ABLIM1: variants seen among roughly 807,000 people sequenced by gnomAD.
ABLIM1 encodes the protein actin binding LIM protein 1, also known as actin-binding LIM protein 1.
In ABLIM1, 40 loss-of-function variants were observed where a neutral mutation model predicts 107.0. That is an observed-to-expected ratio of 0.37 (90% CI 0.29 to 0.49). The LOEUF (loss-of-function observed/expected upper bound fraction) is 0.49. ABLIM1 is among the 20% of genes least tolerant of loss of function. The pLI is 0.97. For missense variants in ABLIM1, 857 were observed against 1,008.5 expected, an observed-to-expected ratio of 0.85 and a Z score of 2.04; for synonymous variants, 357 against 357.3, an observed-to-expected ratio of 1.00 and a Z score of 0.01.
chr10:114,659,813 A>C (rs1314917302), upstream of ABLIM1, among the ~76,000 whole-genome samples: 1 of 152,168 alleles, frequency 6.6e-6, no homozygotes, highest in Non-Finnish European at 1.5e-5. Context: ...CTTTCTCAGG[A>C]CAATGCAGAG....
At chr10:114,617,387 G>A (rs945098935) in intron 1 of ABLIM1, among the ~76,000 whole-genome samples, 9 of 150,298 alleles carry the variant, frequency 6.0e-5, no homozygotes, top group South Asian at 2.1e-4. Context: ...TCAGCCTCCC[G>A]AGTAGCTGGG....
chr10:114,599,659 T>G (rs2075792866), intron 2 of ABLIM1, among the ~76,000 whole-genome samples: 1 of 151,600 alleles, frequency 6.6e-6, no homozygotes, highest in African/African-American at 2.4e-5. Context: ...CGGTGGCAGG[T>G]ACCTGTAATC....
At chr10:114,487,354 A>G (rs909431756) in intron 8 of ABLIM1, among the ~76,000 whole-genome samples, 4 of 152,220 alleles carry the variant, frequency 2.6e-5, no homozygotes, top group African/African-American at 9.7e-5. Context: ...AGGGCATCTG[A>G]ACAGGACAGA....
intron 1 of ABLIM1, among the ~76,000 whole-genome samples, chr10:114,618,761 C>T (rs1327200242): frequency 3.3e-5 from 5 of 152,226 alleles, no homozygotes; most frequent in African/African-American, 1.2e-4. Context: ...CCTGAAAGTA[C>T]TGTGTTGACT....
intron 6 of ABLIM1, among the ~76,000 whole-genome samples, chr10:114,504,606 T>C (rs1739746899): frequency 6.6e-6 from 1 of 152,142 alleles, no homozygotes; most frequent in Non-Finnish European, 1.5e-5. Context: ...AGGAAAACGA[T>C]TCTGGTCCCT....
At chr10:114,780,754 T>C in the ABLIM1 span, among the ~76,000 whole-genome samples, 2 of 152,206 alleles carry the variant, frequency 1.3e-5, no homozygotes, top group South Asian at 2.1e-4. Flanking sequence ...TTACTTCTCT[T>C]AGGTTGTTCT....
At chr10:114,727,963 C>T (rs1056532051) in intron 1 of ABLIM1, among the ~76,000 whole-genome samples, 1 of 152,018 alleles carries the variant, frequency 6.6e-6, no homozygotes, top group Non-Finnish European at 1.5e-5. Flanking sequence ...AAAACAGCCA[C>T]CATAAAAACA....
intron 6 of ABLIM1, among the ~76,000 whole-genome samples, chr10:114,500,868 A>C (rs10510006): frequency 0.14 from 20,600 of 150,562 alleles, 1,682 homozygotes; most frequent in African/African-American, 0.23. Flanking sequence ...GGTGCCAATC[A>C]AAGCAGGTGA....
At chr10:114,545,696 G>A (rs1239340020) in intron 5 of ABLIM1, among the ~76,000 whole-genome samples, 7 of 152,126 alleles carry the variant, frequency 4.6e-5, no homozygotes, top group East Asian at 3.9e-4. Context: ...AGGCTGAGGT[G>A]GGTGGATCAA....
At chr10:114,703,407 G>A (rs573207998) in intron 1 of ABLIM1, among the ~76,000 whole-genome samples, 18 of 152,352 alleles carry the variant, frequency 1.2e-4, no homozygotes, top group African/African-American at 4.3e-4. Context: ...TTGTCTGTGT[G>A]TGTGCCTTCC....
intron 1 of ABLIM1, among the ~76,000 whole-genome samples, chr10:114,695,565 C>T (rs1000938314): frequency 6.6e-6 from 1 of 152,142 alleles, no homozygotes; most frequent in African/African-American, 2.4e-5. Flanking sequence ...CAATAATTAT[C>T]CCCCTTTTCA....
At chr10:114,651,170 G>A (rs1161874528) in intron 1 of ABLIM1, among the ~76,000 whole-genome samples, 1 of 152,178 alleles carries the variant, frequency 6.6e-6, no homozygotes, top group Non-Finnish European at 1.5e-5. Context: ...TTCGAACATA[G>A]TGATTTGATT....
chr10:114,687,276 C>A (rs924956289), upstream of ABLIM1, among the ~76,000 whole-genome samples: 2 of 152,162 alleles, frequency 1.3e-5, no homozygotes, highest in African/African-American at 2.4e-5. Context: ...CAACCCAGTA[C>A]AACTATGAAC....
rs1057144 is a variant in ABLIM1, at chr10:114,435,396, T to G, written c.*864A>C. On this transcript the variant is annotated 3_prime_UTR_variant, in exon 23 of 23. Transcript: ENST00000533213. ...TTGGCCATGAATGATATGGCCCCTATGCAAAATCACCTAATGGCATGCCAC... is the reference window on the plus strand; with the variant it reads ...TTGGCCATGAATGATATGGCCCCTAGGCAAAATCACCTAATGGCATGCCAC... 1.3e-5 allele frequency: 2 copies of G among 151,734 alleles called. No homozygotes were observed. Among genetic ancestry groups the G allele is most frequent in the East Asian group, 1.9e-4 (1 of 5,146 alleles). 9.4% of individuals were successfully genotyped at this position (151,734 alleles called of 1,614,324 possible). A position where few individuals can be genotyped will look rare whatever the true frequency, so the allele number is the denominator to read the frequency against.
intron 1 of ABLIM1, chr10:114,613,590 T>C: frequency 1.0e-6 from 1 of 1,003,232 alleles, no homozygotes; most frequent in Non-Finnish European, 1.4e-6. Context: ...GAAACAAGAA[T>C]GTGAACCCTT....
At chr10:114,556,509 T>C (rs2068748842) in intron 4 of ABLIM1, among the ~76,000 whole-genome samples, 1 of 152,200 alleles carries the variant, frequency 6.6e-6, no homozygotes, top group South Asian at 2.1e-4. Context: ...GTTACTAGCC[T>C]GGCCTTCCTA....
chr10:114,746,801 T>C (rs1191367848), intron 1 of ABLIM1, among the ~76,000 whole-genome samples: 3 of 152,232 alleles, frequency 2.0e-5, no homozygotes, highest in Non-Finnish European at 4.4e-5. Context: ...ATCTCCCTAA[T>C]GAGTAGTGAT....
the ABLIM1 span, among the ~76,000 whole-genome samples, chr10:114,801,073 C>T: frequency 2.8e-3 from 433 of 152,200 alleles, 1 homozygote; most frequent in African/African-American, 1.0e-2. Flanking sequence ...ATATACATTA[C>T]ATACTGCATT....
intron 1 of ABLIM1, among the ~76,000 whole-genome samples, chr10:114,624,504 G>C (rs1163559944): frequency 6.6e-6 from 1 of 152,118 alleles, no homozygotes; most frequent in African/African-American, 2.4e-5. Flanking sequence ...GCCTGGCATG[G>C]GAAAGGCAAG....
Sources: gnomAD v4.1 joint callset for allele counts (sites outside exome capture counted in the v4.1 genomes callset) on GRCh38, gnomAD v4.1.1 for gene constraint, MANE v1.5 for transcripts, NCBI Gene and HGNC (gene_info 2026-07-23, HGNC 2026-07-21) for gene names.